Variants in CNTNAP2 observed in about 807,000 individuals in gnomAD.
CNTNAP2 encodes the protein contactin associated protein 2.
In CNTNAP2, 98 loss-of-function variants were observed where a neutral mutation model predicts 155.2. The observed-to-expected ratio is 0.63, with a 90% confidence interval of 0.54 to 0.75. CNTNAP2 has a LOEUF of 0.75. Among genes scored for constraint, CNTNAP2 ranks in the 30% least tolerant of loss-of-function variants. The probability of loss-of-function intolerance (pLI) is 0.00; values close to 1 mark genes in which losing one functional copy is unlikely to be tolerated. For synonymous variants in CNTNAP2, 651 were observed against 631.2 expected (o/e 1.03, Z -0.47); for missense variants, 1,727 against 1,688.1 (o/e 1.02, Z -0.40).
chr7:146,416,790 T>C (rs1795943977), intron 1 of CNTNAP2, among the ~76,000 whole-genome samples: 1 of 152,162 alleles, frequency 6.6e-6, no homozygotes, highest in Non-Finnish European at 1.5e-5. Flanking sequence ...CTTTAAGTTC[T>C]GATCACATTT....
chr7:146,245,110 G>C (rs1343664759), intron 1 of CNTNAP2, among the ~76,000 whole-genome samples: 4 of 151,902 alleles, frequency 2.6e-5, no homozygotes, highest in African/African-American at 4.8e-5. Context: ...TGTGTGTGGC[G>C]ATTAGGCCTG....
chr7:146,712,062 T>A (rs867090836), intron 1 of CNTNAP2, among the ~76,000 whole-genome samples: 1,151 of 99,484 alleles, frequency 0.012, 13 homozygotes, highest in Middle Eastern at 0.062. Context: ...TTATGTATAC[T>A]ATATAGTATA....
chr7:146,358,088 G>A (rs542941216), intron 1 of CNTNAP2, among the ~76,000 whole-genome samples: 4 of 152,108 alleles, frequency 2.6e-5, no homozygotes, highest in African/African-American at 9.7e-5. Flanking sequence ...AGGCTGGAGT[G>A]CAGTGGCATG....
At chr7:148,191,554 G>T (rs1208348907) in intron 18 of CNTNAP2, among the ~76,000 whole-genome samples, 1 of 152,198 alleles carries the variant, frequency 6.6e-6, no homozygotes, top group Non-Finnish European at 1.5e-5. Flanking sequence ...CATTTCTAGA[G>T]GCTGGCAGTC....
chr7:147,222,811 G>GT (rs35654327), intron 8 of CNTNAP2, among the ~76,000 whole-genome samples: 2,583 of 81,854 alleles, frequency 0.032, 51 homozygotes, highest in Non-Finnish European at 0.047. Context: ...GTTTCTCAGG[G>GT]TTTTTTTTTT....
At chr7:148,272,652 A>G (rs1796803514) in intron 21 of CNTNAP2, among the ~76,000 whole-genome samples, 1 of 151,842 alleles carries the variant, frequency 6.6e-6, no homozygotes, top group Admixed American at 6.6e-5. Context: ...TAAAAAAAAT[A>G]TATACAATCA....
At chr7:146,366,507 T>C (rs1315220575) in intron 1 of CNTNAP2, among the ~76,000 whole-genome samples, 5 of 152,006 alleles carry the variant, frequency 3.3e-5, no homozygotes, top group Admixed American at 6.6e-5. Context: ...GAAATAAACC[T>C]ACAAACACCA....
intron 1 of CNTNAP2, among the ~76,000 whole-genome samples, chr7:146,440,665 A>C (rs1584926787): frequency 6.6e-6 from 1 of 151,522 alleles, no homozygotes; most frequent in African/African-American, 2.4e-5. Context: ...AATATTTCAC[A>C]ATTTTCCATT....
At chr7:147,094,657 C>T (rs1183699472) in intron 4 of CNTNAP2, among the ~76,000 whole-genome samples, 2 of 151,890 alleles carry the variant, frequency 1.3e-5, no homozygotes, top group Admixed American at 6.6e-5. Flanking sequence ...CCGCCTGTCT[C>T]GGCCTCCGAA....
At chr7:147,566,425 C>T (rs1800172573) in intron 12 of CNTNAP2, among the ~76,000 whole-genome samples, 1 of 151,762 alleles carries the variant, frequency 6.6e-6, no homozygotes, top group South Asian at 2.1e-4. Flanking sequence ...CTATAAAGAA[C>T]TTCCCTGAGT....
intron 3 of CNTNAP2, among the ~76,000 whole-genome samples, chr7:146,959,720 A>C (rs1285282773): frequency 1.3e-5 from 2 of 151,660 alleles, no homozygotes; most frequent in African/African-American, 4.8e-5. Flanking sequence ...TCTCAAAAAA[A>C]AAAAAAAAAA....
chr7:146,817,946 GAATAT>G, intron 2 of CNTNAP2, among the ~76,000 whole-genome samples: 1 of 152,202 alleles, frequency 6.6e-6, no homozygotes, highest in East Asian at 1.9e-4. Flanking sequence ...GTTAAAAAAA[GAATAT>G]AAGATATTGA....
At chr7:146,405,289 C>T (rs1584909963) in intron 1 of CNTNAP2, among the ~76,000 whole-genome samples, 1 of 152,098 alleles carries the variant, frequency 6.6e-6, no homozygotes, top group Non-Finnish European at 1.5e-5. Flanking sequence ...CTCTCACTGG[C>T]AAGGATAACA....
At chr7:147,291,126 T>C (rs564087115) in intron 8 of CNTNAP2, among the ~76,000 whole-genome samples, 1 of 152,258 alleles carries the variant, frequency 6.6e-6, no homozygotes, top group East Asian at 1.9e-4. Flanking sequence ...GCTGTTCTGA[T>C]TTCTATCAGC....
rs539511840 is a variant in CNTNAP2, at chr7:147,771,150, T to A, written c.2098+131844T>A. ...GAGGCTGAGATGAATCGGTGTACAT[T>A]TGAAAAAATGAAATTGGCCTGTTGC... On this transcript the variant is annotated intron_variant, in intron 13 of 23. Coordinates refer to ENST00000361727, the MANE Select transcript of CNTNAP2 (RefSeq NM_014141.6). Among the ~76,000 whole-genome samples, 385 of 152,258 alleles carry A rather than the reference T, an allele frequency of 2.5e-3. 1 individual carries two copies. The highest frequency in any genetic ancestry group is 9.0e-3 in the African/African-American group (373 of 41,546).
intron 9 of CNTNAP2, among the ~76,000 whole-genome samples, chr7:147,317,426 T>C (rs1399010709): frequency 1.4e-4 from 22 of 152,238 alleles, no homozygotes; most frequent in Admixed American, 1.4e-3. Flanking sequence ...GTTACACACA[T>C]CATTCATCCT....
chr7:146,581,855 A>G (rs1029724486), intron 1 of CNTNAP2, among the ~76,000 whole-genome samples: 2 of 152,130 alleles, frequency 1.3e-5, no homozygotes, highest in Non-Finnish European at 2.9e-5. Context: ...AAACTCAACT[A>G]GAAATTTTGT....
intron 1 of CNTNAP2, among the ~76,000 whole-genome samples, chr7:146,594,562 A>T (rs912807069): frequency 3.3e-5 from 5 of 152,260 alleles, no homozygotes; most frequent in Non-Finnish European, 5.9e-5. Context: ...TCAAAAACTT[A>T]CAAATCATCT....
At chr7:146,779,555 T>C (rs1802446070) in intron 2 of CNTNAP2, among the ~76,000 whole-genome samples, 2 of 152,346 alleles carry the variant, frequency 1.3e-5, no homozygotes, top group African/African-American at 2.4e-5. Context: ...TATGCTGTTA[T>C]AGCCAGAGAA....
Sources: gnomAD v4.1 joint callset for allele counts (sites outside exome capture counted in the v4.1 genomes callset) on GRCh38, gnomAD v4.1.1 for gene constraint, MANE v1.5 for transcripts, NCBI Gene and HGNC (gene_info 2026-07-23, HGNC 2026-07-21) for gene names.